Variants in RAB3C observed in about 807,000 individuals in gnomAD.
RAB3C encodes the protein RAB3C, member RAS oncogene family, also known as ras-related protein Rab-3C.
Under a neutral mutation model 26.4 loss-of-function variants are expected in RAB3C, and 17 were observed. That is an observed-to-expected ratio of 0.64 (90% confidence interval 0.44 to 0.97). RAB3C has a LOEUF of 0.97. Ranked by LOEUF, RAB3C falls within the 50% of genes least tolerant of loss-of-function variation. RAB3C has a pLI of 0.00. For missense variants in RAB3C, 242 were observed against 281.9 expected (o/e 0.86, Z 1.01); for synonymous variants, 91 against 95.9 (o/e 0.95, Z 0.30).
In RAB3C at chr5:58,858,435, T is replaced by A. The variant is rs1744311897; in HGVS notation, c.*7084T>A. On this transcript the variant is annotated 3_prime_UTR_variant, in exon 5 of 5. Transcript: ENST00000282878. ...CCTCATATGCTCAGTGCTGTGGGAA[T>A]CAAACATGGAAGAGGTATGGCTCCT... 6.6e-6 allele frequency: 1 copy of A among 152,132 alleles called. No individual in the cohort carries two copies. The highest frequency in any genetic ancestry group is 2.1e-4 in the South Asian group (1 of 4,824). 9.4% of individuals were successfully genotyped at this position (152,132 alleles called of 1,614,324 possible). A position where few individuals can be genotyped will look rare whatever the true frequency, so the allele number is the denominator to read the frequency against.
At chr5:58,761,215 T>A (rs1188033268) in intron 3 of RAB3C, among the ~76,000 whole-genome samples, 2 of 152,136 alleles carry the variant, frequency 1.3e-5, no homozygotes, top group Non-Finnish European at 2.9e-5. Context: ...ATTGATTGAA[T>A]TTTTTTACAA....
intron 2 of RAB3C, among the ~76,000 whole-genome samples, chr5:58,699,416 G>T (rs1209940948): frequency 3.3e-5 from 5 of 152,178 alleles, no homozygotes; most frequent in African/African-American, 1.2e-4. Context: ...AGGCTACATG[G>T]GGGTCAGGGA....
At chr5:58,701,056 T>C (rs1748832089) in intron 2 of RAB3C, among the ~76,000 whole-genome samples, 1 of 152,036 alleles carries the variant, frequency 6.6e-6, no homozygotes, top group Non-Finnish European at 1.5e-5. Context: ...AGTGCAGTGG[T>C]GTGATCTGGG....
chr5:58,780,443 G>A (rs936353543), intron 3 of RAB3C, among the ~76,000 whole-genome samples: 7 of 152,208 alleles, frequency 4.6e-5, no homozygotes, highest in African/African-American at 1.4e-4. Flanking sequence ...GCACTCCTTG[G>A]TTACCAATAT....
chr5:58,810,578 A>G (rs547439582), intron 3 of RAB3C, among the ~76,000 whole-genome samples: 20 of 152,202 alleles, frequency 1.3e-4, no homozygotes, highest in Admixed American at 1.2e-3. Context: ...TGCATGAGAT[A>G]TATCTTTTAG....
chr5:58,667,141 G>A (rs935517173), intron 2 of RAB3C, among the ~76,000 whole-genome samples: 1 of 152,146 alleles, frequency 6.6e-6, no homozygotes, highest in African/African-American at 2.4e-5. Context: ...AAACAAATGA[G>A]AATTGGTTTT....
At chr5:58,830,258 C>T (rs2548236) in intron 4 of RAB3C, among the ~76,000 whole-genome samples, 83,427 of 152,008 alleles carry the variant, frequency 0.55, 23,382 homozygotes, top group Middle Eastern at 0.71. Flanking sequence ...TTTCACCTAA[C>T]AAAGAATATA....
chr5:58,810,070 G>C (rs1212601502), intron 3 of RAB3C, among the ~76,000 whole-genome samples: 2 of 152,186 alleles, frequency 1.3e-5, no homozygotes, highest in East Asian at 1.9e-4. Flanking sequence ...CCACCCAGCA[G>C]AAGTGGAACA....
In RAB3C at chr5:58,756,317, TTATA is replaced by T. The variant is rs372230172; in HGVS notation, c.371+30212_371+30215del. On this transcript the variant is annotated intron_variant, in intron 3 of 4. Transcript: ENST00000282878. ...ATATTCTCTTACTTAGCCCCAGTAG[TTATA>T]TATATATATATATAACATATATATG... Among the ~76,000 whole-genome samples the T allele has an allele frequency of 3.7e-3, 516 of 139,128 alleles. 4 individuals are homozygous for T. The highest frequency in any genetic ancestry group is 0.013 in the African/African-American group (484 of 37,246). The allele number at this position is 139,128 out of a possible 152,430, so 91.3% of individuals were successfully genotyped here.
chr5:58,602,842 A>G (rs989748871), intron 1 of RAB3C, among the ~76,000 whole-genome samples: 7 of 152,108 alleles, frequency 4.6e-5, no homozygotes, highest in African/African-American at 1.4e-4. Context: ...TTTACATTCA[A>G]TGTTAGTATT....
intron 1 of RAB3C, among the ~76,000 whole-genome samples, chr5:58,594,335 T>C (rs553495783): frequency 2.0e-5 from 3 of 152,270 alleles, no homozygotes; most frequent in African/African-American, 7.2e-5. Flanking sequence ...GAATGTTTGA[T>C]CCACTGAACA....
At chr5:58,583,045 G>C (rs893297899), upstream of RAB3C, 2 of 1,456,064 alleles carry the variant, frequency 1.4e-6, no homozygotes, top group African/African-American at 1.4e-5. Flanking sequence ...TCGGCAGTAC[G>C]CGTGTGCGGC....
At chr5:58,699,206 A>T (rs150997458) in intron 2 of RAB3C, among the ~76,000 whole-genome samples, 2,311 of 152,210 alleles carry the variant, frequency 0.015, 53 homozygotes, top group African/African-American at 0.051. Flanking sequence ...GGTCTGTTGG[A>T]GTTTGCTGGA....
At position 58,670,447 on chromosome 5, in the gene RAB3C, A is replaced by AT. The variant is rs1748092008; in HGVS notation, c.252+52581dup. Among the ~76,000 whole-genome samples the AT allele has an allele frequency of 2.0e-5, 3 of 152,182 alleles. 1 individual carries two copies. The South Asian group carries it at 6.2e-4, about 32-fold the overall frequency. On this transcript the variant is annotated intron_variant, in intron 2 of 4. Coordinates refer to ENST00000282878, the MANE Select transcript of RAB3C (RefSeq NM_138453.4). ...TTCAACTATCTTTTCCTTTTTGGTG[A>AT]TTTTGGACTTCCTGGGCTATGCTGA...
intron 2 of RAB3C, among the ~76,000 whole-genome samples, chr5:58,662,324 A>C (rs1383099043): frequency 6.7e-6 from 1 of 150,206 alleles, no homozygotes; most frequent in East Asian, 1.9e-4. Context: ...AATAATACAA[A>C]ATTATGATTG....
chr5:58,766,537 C>A (rs1741910499), intron 3 of RAB3C, among the ~76,000 whole-genome samples: 2 of 152,180 alleles, frequency 1.3e-5, no homozygotes, highest in Admixed American at 1.3e-4. Context: ...CCTGAAATTT[C>A]TTGAAATTTG....
At chr5:58,679,661 T>G (rs889781145) in intron 2 of RAB3C, among the ~76,000 whole-genome samples, 2 of 152,222 alleles carry the variant, frequency 1.3e-5, no homozygotes, top group African/African-American at 4.8e-5. Flanking sequence ...GCTTTCTCCC[T>G]GAAAATGATG....
At chr5:58,763,539 C>A (rs1469351084) in intron 3 of RAB3C, among the ~76,000 whole-genome samples, 1 of 152,144 alleles carries the variant, frequency 6.6e-6, no homozygotes, top group Non-Finnish European at 1.5e-5. Context: ...TCTTCTGAGG[C>A]AGTCTCCTCA....
chr5:58,833,854 A>C (rs1342375810), intron 4 of RAB3C, among the ~76,000 whole-genome samples: 1 of 152,192 alleles, frequency 6.6e-6, no homozygotes, highest in Non-Finnish European at 1.5e-5. Context: ...TCCACAAATG[A>C]TCCATGAGGT....
Sources: gnomAD v4.1 joint callset for allele counts (sites outside exome capture counted in the v4.1 genomes callset) on GRCh38, gnomAD v4.1.1 for gene constraint, MANE v1.5 for transcripts, NCBI Gene and HGNC (gene_info 2026-07-23, HGNC 2026-07-21) for gene names.